The following CMIP variants were observed in gnomAD, a reference collection of about 807,000 sequenced individuals.
CMIP encodes the protein c-Maf inducing protein.
A neutral mutation model predicts 97.3 loss-of-function variants in CMIP; 13 were observed. The ratio of observed to expected loss-of-function variants is 0.13; its 90% CI spans 0.09 to 0.21. CMIP has a LOEUF of 0.21. CMIP is among the 10% of genes least tolerant of loss of function. The pLI, the probability that CMIP is intolerant of heterozygous loss-of-function variation, is 1.00. For missense variants in CMIP, 847 were observed against 1,024.9 expected (o/e 0.83, Z 2.37); for synonymous variants, 538 against 436.3 (o/e 1.23, Z -2.91).
At chr16:81,563,043 C>T (rs927718412) in intron 1 of CMIP, among the ~76,000 whole-genome samples, 18 of 152,204 alleles carry the variant, frequency 1.2e-4, no homozygotes, top group African/African-American at 3.4e-4. Flanking sequence ...GCAGGAATCT[C>T]ACGTGCCCTG....
chr16:81,662,898 C>A (rs2092562957), intron 6 of CMIP, among the ~76,000 whole-genome samples: 1 of 152,260 alleles, frequency 6.6e-6, no homozygotes, highest in East Asian at 1.9e-4. Flanking sequence ...AATGCCAAAG[C>A]CCTCGTACTA....
intron 1 of CMIP, among the ~76,000 whole-genome samples, chr16:81,483,559 C>T (rs1346469389): frequency 3.3e-5 from 5 of 151,688 alleles, no homozygotes; most frequent in African/African-American, 7.3e-5. Flanking sequence ...CTCTCCCTCC[C>T]GCAGCCTCTT....
intron 1 of CMIP, among the ~76,000 whole-genome samples, chr16:81,544,712 A>C (rs538028396): frequency 6.7e-6 from 1 of 150,196 alleles, no homozygotes; most frequent in East Asian, 2.0e-4. Context: ...TGTTTGTGGA[A>C]TGTTGTGTGT....
chr16:81,625,422 G>A (rs1442553577), intron 3 of CMIP, among the ~76,000 whole-genome samples: 2 of 152,258 alleles, frequency 1.3e-5, no homozygotes, highest in African/African-American at 2.4e-5. Context: ...TGTACCTCCT[G>A]GCTCATGCCC....
chr16:81,517,924 C>T (rs1597496443), intron 1 of CMIP: 3 of 984,158 alleles, frequency 3.0e-6, no homozygotes, highest in Non-Finnish European at 3.6e-6. Context: ...GCCACAGCCA[C>T]GAGATTCAAG....
intron 1 of CMIP, among the ~76,000 whole-genome samples, chr16:81,546,664 C>T (rs2090551808): frequency 6.6e-6 from 1 of 152,134 alleles, no homozygotes; most frequent in African/African-American, 2.4e-5. Context: ...AGATGATTAT[C>T]GTGCGGGGTG....
rs754844403 is a variant in CMIP, at chr16:81,467,883, C to CTT, written c.300+22362_300+22363dup. ...GGTGTGAGCCACCGTGCCTGGCCTT[C>CTT]TTTTTTTTTTTTTTTTTTTTTGAGG... On this transcript the variant is annotated intron_variant, in intron 1 of 20. Coordinates refer to ENST00000537098, the MANE Select transcript of CMIP (RefSeq NM_198390.3). Among the ~76,000 whole-genome samples, 797 of 113,446 alleles carry CTT rather than the reference C, an allele frequency of 7.0e-3. 12 individuals carry two copies. Among genetic ancestry groups the CTT allele is most frequent in the African/African-American group, 0.024 (738 of 30,318 alleles). 74.4% of individuals were successfully genotyped at this position (113,446 alleles called of 152,430 possible).
intron 3 of CMIP, among the ~76,000 whole-genome samples, chr16:81,640,297 C>CT (rs199954620): frequency 7.3e-5 from 11 of 150,990 alleles, no homozygotes; most frequent in African/African-American, 2.7e-4. Flanking sequence ...CCCCCCCCCC[C>CT]CCAATTCCCC....
intron 13 of CMIP, 187 bp from the exon 14 acceptor site, chr16:81,696,373 G>T (rs1187810010): frequency 2.5e-5 from 16 of 642,618 alleles, no homozygotes; most frequent in Non-Finnish European, 3.9e-5. Context: ...TGGGGGCCAC[G>T]GTATTTCCCG....
At chr16:81,446,762 G>T (rs981825050) in intron 1 of CMIP, among the ~76,000 whole-genome samples, 1 of 152,162 alleles carries the variant, frequency 6.6e-6, no homozygotes, top group African/African-American at 2.4e-5. Context: ...TTCCCTTGGC[G>T]GTGTGTCACA....
chr16:81,664,831 T>C (rs780715447), intron 7 of CMIP: 3 of 246,950 alleles, frequency 1.2e-5, no homozygotes, highest in Non-Finnish European at 2.3e-5. Flanking sequence ...TTAGACAGAA[T>C]ATTCCCTTCA....
At chr16:81,625,573 G>A (rs990679275) in intron 3 of CMIP, among the ~76,000 whole-genome samples, 6 of 152,238 alleles carry the variant, frequency 3.9e-5, no homozygotes, top group East Asian at 1.9e-4. Flanking sequence ...TGAGGGGACC[G>A]TGTGTGTTTA....
intron 1 of CMIP, among the ~76,000 whole-genome samples, chr16:81,599,816 G>A (rs566667636): frequency 1.3e-5 from 2 of 152,302 alleles, no homozygotes; most frequent in East Asian, 1.9e-4. Flanking sequence ...CCCCGCCTTA[G>A]CATTGTTGTC....
chr16:81,509,202 G>C (rs1188258095), intron 1 of CMIP, among the ~76,000 whole-genome samples: 2 of 152,216 alleles, frequency 1.3e-5, no homozygotes, highest in African/African-American at 4.8e-5. Context: ...TGTGTCCTCA[G>C]CTGTCATTGC....
chr16:81,658,496 TAG>T (rs538344807), intron 5 of CMIP, among the ~76,000 whole-genome samples: 2 of 152,288 alleles, frequency 1.3e-5, no homozygotes, highest in African/African-American at 4.8e-5. Context: ...AGAGAGTAAG[TAG>T]AGTGATAAAC....
chr16:81,450,792 C>T (rs1303453320), intron 1 of CMIP, among the ~76,000 whole-genome samples: 2 of 152,180 alleles, frequency 1.3e-5, no homozygotes, highest in Non-Finnish European at 2.9e-5. Flanking sequence ...CTCATGTATG[C>T]ATCAGGTAGA....
chr16:81,680,161 C>G (rs1475208670), intron 10 of CMIP, among the ~76,000 whole-genome samples: 1 of 152,236 alleles, frequency 6.6e-6, no homozygotes, highest in African/African-American at 2.4e-5. Flanking sequence ...GCAGGGAGGC[C>G]ACTCGGAAGC....
At chr16:81,610,302 C>T in intron 2 of CMIP, 1 of 985,590 alleles carries the variant, frequency 1.0e-6, no homozygotes, top group Non-Finnish European at 1.2e-6. Context: ...GACAGAGCTG[C>T]CGCCGTGGTG....
intron 1 of CMIP, among the ~76,000 whole-genome samples, chr16:81,590,698 G>A (rs906937404): frequency 9.2e-5 from 14 of 152,218 alleles, no homozygotes; most frequent in Admixed American, 3.3e-4. Context: ...GGATGTCTCA[G>A]TAGGACCCAG....
Sources: gnomAD v4.1 joint callset for allele counts (sites outside exome capture counted in the v4.1 genomes callset) on GRCh38, gnomAD v4.1.1 for gene constraint, MANE v1.5 for transcripts, NCBI Gene and HGNC (gene_info 2026-07-23, HGNC 2026-07-21) for gene names.